The following CACNA2D3 variants were observed in gnomAD, a reference collection of about 807,000 sequenced individuals.
CACNA2D3 encodes the protein voltage-dependent calcium channel subunit alpha-2/delta-3.
In CACNA2D3, 60 loss-of-function variants were observed where a neutral mutation model predicts 160.6. That is an observed-to-expected ratio of 0.37 (90% confidence interval 0.30 to 0.46). The LOEUF (loss-of-function observed/expected upper bound fraction) is 0.46, where lower values mean the gene tolerates loss of function less well. Among genes scored for constraint, CACNA2D3 ranks in the 20% least tolerant of loss-of-function variants. CACNA2D3 has a pLI of 1.00. For synonymous variants in CACNA2D3, 558 were observed against 492.9 expected, an observed-to-expected ratio of 1.13 and a Z score of -1.75; for missense variants, 1,205 against 1,365.0, an observed-to-expected ratio of 0.88 and a Z score of 1.85.
In CACNA2D3 at chr3:54,675,097, T is replaced by C. The variant is rs1700216999; in HGVS notation, c.1167+32856T>C. Among the ~76,000 whole-genome samples, 3 of 152,112 alleles carry C rather than the reference T, an allele frequency of 2.0e-5. No homozygotes were observed. In the South Asian group the frequency reaches 6.2e-4, roughly 32 times the overall value. ...AGCGCACCACAGGATCTGGGCTTTT[T>C]CAGAGGAGGAGGGGGACATTTTTGG... On this transcript the variant is annotated intron_variant, in intron 11 of 37. Transcript: ENST00000474759.
rs74411106 is a variant in CACNA2D3, at chr3:55,056,968, A to C, written c.2988-16477A>C. Among the ~76,000 whole-genome samples, 1,032 of 152,340 alleles carry C rather than the reference A, an allele frequency of 6.8e-3. 5 individuals are homozygous for C. The highest frequency in any genetic ancestry group is 0.015 in the South Asian group (71 of 4,824). ...TAAATCTCAAATGCTCTCACCATGA[A>C]ACATGGTATTTGAGGTGATGGATTC... On this transcript the variant is annotated intron_variant, in intron 35 of 37. Coordinates refer to ENST00000474759, the MANE Select transcript of CACNA2D3 (RefSeq NM_018398.3).
At chr3:54,506,298 T>A (rs1480939459) in intron 5 of CACNA2D3, among the ~76,000 whole-genome samples, 1 of 152,116 alleles carries the variant, frequency 6.6e-6, no homozygotes, top group East Asian at 1.9e-4. Flanking sequence ...GGCTGTGCTG[T>A]TTTTGGGTTG....
intron 2 of CACNA2D3, among the ~76,000 whole-genome samples, chr3:54,243,128 G>T (rs1272836328): frequency 6.6e-6 from 1 of 152,058 alleles, no homozygotes; most frequent in Non-Finnish European, 1.5e-5. Context: ...CTCCAAGATT[G>T]TACCCCCTGT....
At chr3:54,339,548 C>T (rs1704469611) in intron 3 of CACNA2D3, among the ~76,000 whole-genome samples, 1 of 152,102 alleles carries the variant, frequency 6.6e-6, no homozygotes, top group Non-Finnish European at 1.5e-5. Context: ...AACTTTAGCC[C>T]AGTGAGGAGA....
At chr3:54,609,394 A>G (rs1435458986) in intron 9 of CACNA2D3, among the ~76,000 whole-genome samples, 1 of 152,188 alleles carries the variant, frequency 6.6e-6, no homozygotes, top group East Asian at 1.9e-4. Flanking sequence ...ATTAATACAG[A>G]GGGAAACTCA....
chr3:54,394,453 A>C (rs530652930), intron 4 of CACNA2D3, among the ~76,000 whole-genome samples: 1 of 142,800 alleles, frequency 7.0e-6, no homozygotes, highest in Non-Finnish European at 1.5e-5. Flanking sequence ...ATATCTCCCA[A>C]TGCTATCCCT....
intron 13 of CACNA2D3, among the ~76,000 whole-genome samples, chr3:54,789,163 A>T (rs547579804): frequency 6.6e-6 from 1 of 152,230 alleles, no homozygotes; most frequent in Non-Finnish European, 1.5e-5. Context: ...AAGTATAAAT[A>T]TATAACAGTC....
chr3:54,387,174 A>C (rs779317302), intron 4 of CACNA2D3, among the ~76,000 whole-genome samples: 3 of 152,232 alleles, frequency 2.0e-5, no homozygotes, highest in Non-Finnish European at 4.4e-5. Flanking sequence ...CTATCCTTGA[A>C]TTGATTGTTA....
At chr3:54,607,730 A>G (rs1698666275) in intron 9 of CACNA2D3, among the ~76,000 whole-genome samples, 1 of 152,184 alleles carries the variant, frequency 6.6e-6, no homozygotes, top group Non-Finnish European at 1.5e-5. Context: ...ATTCCTGGAT[A>G]TTTACCAAAA....
chr3:54,254,236 G>A (rs1348436038), intron 2 of CACNA2D3, among the ~76,000 whole-genome samples: 1 of 152,146 alleles, frequency 6.6e-6, no homozygotes, highest in Non-Finnish European at 1.5e-5. Flanking sequence ...TTTGCCAGTG[G>A]TGAGTTTGAT....
chr3:54,490,196 A>G (rs1701085799), intron 4 of CACNA2D3, among the ~76,000 whole-genome samples: 1 of 152,264 alleles, frequency 6.6e-6, no homozygotes. Context: ...AACCTGCTGC[A>G]GGCACTGTGT....
chr3:54,810,810 G>C (rs747150094), intron 13 of CACNA2D3, among the ~76,000 whole-genome samples: 7 of 152,116 alleles, frequency 4.6e-5, no homozygotes, highest in Non-Finnish European at 8.8e-5. Flanking sequence ...CACCCCCATG[G>C]GTCTGTGTGA....
At chr3:54,728,483 A>G (rs1701319463) in intron 11 of CACNA2D3, among the ~76,000 whole-genome samples, 2 of 152,222 alleles carry the variant, frequency 1.3e-5, no homozygotes, top group African/African-American at 2.4e-5. Context: ...TGGTTATTTT[A>G]GAGTCTGTGC....
At chr3:54,829,723 A>G (rs1308586396) in intron 14 of CACNA2D3, among the ~76,000 whole-genome samples, 1 of 151,962 alleles carries the variant, frequency 6.6e-6, no homozygotes, top group African/African-American at 2.4e-5. Flanking sequence ...TTCCCAAGTC[A>G]TTGATAAACT....
intron 5 of CACNA2D3, among the ~76,000 whole-genome samples, chr3:54,553,681 G>T (rs1389812925): frequency 6.6e-6 from 1 of 152,118 alleles, no homozygotes; most frequent in Non-Finnish European, 1.5e-5. Context: ...ATTTTTTGTG[G>T]TAGAAAATGG....
chr3:54,893,995 T>C (rs1004143829), intron 25 of CACNA2D3, among the ~76,000 whole-genome samples: 5 of 152,096 alleles, frequency 3.3e-5, no homozygotes, highest in Admixed American at 6.5e-5. Flanking sequence ...CTTTCACATA[T>C]GGTGTTATGT....
At chr3:54,540,937 C>G (rs980989280) in intron 5 of CACNA2D3, among the ~76,000 whole-genome samples, 1 of 152,136 alleles carries the variant, frequency 6.6e-6, no homozygotes, top group African/African-American at 2.4e-5. Context: ...GAGATGAAGT[C>G]ATACTGGATT....
At chr3:54,918,608 C>A (rs867274375) in intron 27 of CACNA2D3, 1 of 1,614,148 alleles carries the variant, frequency 6.2e-7, no homozygotes, top group South Asian at 1.1e-5. Flanking sequence ...CACACAATCC[C>A]ACACACAACG....
chr3:54,497,247 C>G (rs1296552520), intron 4 of CACNA2D3, among the ~76,000 whole-genome samples: 1 of 149,932 alleles, frequency 6.7e-6, no homozygotes, highest in African/African-American at 2.4e-5. Flanking sequence ...CAAGCTATCT[C>G]TCTCCATTTA....
Sources: gnomAD v4.1 joint callset for allele counts (sites outside exome capture counted in the v4.1 genomes callset) on GRCh38, gnomAD v4.1.1 for gene constraint, MANE v1.5 for transcripts, NCBI Gene and HGNC (gene_info 2026-07-23, HGNC 2026-07-21) for gene names.